NR2C2: variants seen among roughly 807,000 people sequenced by gnomAD.
The protein encoded by NR2C2 is Nuclear hormone receptor TR4.
A neutral mutation model predicts 62.9 loss-of-function variants in NR2C2; 6 were observed. The ratio of observed to expected loss-of-function variants is 0.10; its 90% CI spans 0.05 to 0.19. The LOEUF is 0.19. Among genes scored for constraint, NR2C2 ranks in the 10% least tolerant of loss-of-function variants. NR2C2 has a pLI of 1.00. For missense variants in NR2C2, 479 were observed against 762.7 expected (o/e 0.63, Z 4.38); for synonymous variants, 272 against 273.8 (o/e 0.99, Z 0.07).
chr3:14,961,044 A>G (rs1246329487), intron 1 of NR2C2, among the ~76,000 whole-genome samples: 1 of 152,206 alleles, frequency 6.6e-6, no homozygotes, highest in Non-Finnish European at 1.5e-5. Context: ...ACCTAATCAT[A>G]TTTTGTGAAA....
At chr3:14,991,909 G>C (rs1395754892) in intron 1 of NR2C2, among the ~76,000 whole-genome samples, 1 of 151,580 alleles carries the variant, frequency 6.6e-6, no homozygotes, top group Non-Finnish European at 1.5e-5. Flanking sequence ...AGCTGGGACT[G>C]CAGGCATGCG....
chr3:14,950,469 G>T (rs1234740441), intron 1 of NR2C2, among the ~76,000 whole-genome samples: 3 of 142,710 alleles, frequency 2.1e-5, no homozygotes, highest in African/African-American at 7.9e-5. Context: ...AGCTTCCTGT[G>T]CTCTAGACAC....
At chr3:14,995,165 G>GT (rs1157255142) in intron 1 of NR2C2, among the ~76,000 whole-genome samples, 1 of 150,610 alleles carries the variant, frequency 6.6e-6, no homozygotes, top group Non-Finnish European at 1.5e-5. Context: ...CGCCTGGCTA[G>GT]TTTTTTTAAT....
chr3:14,969,158 A>C (rs953870936), intron 1 of NR2C2, among the ~76,000 whole-genome samples: 1 of 152,122 alleles, frequency 6.6e-6, no homozygotes, highest in Non-Finnish European at 1.5e-5. Flanking sequence ...AAAAAAAGAA[A>C]AAAAAATTTC....
intron 10 of NR2C2, among the ~76,000 whole-genome samples, chr3:15,033,853 A>G (rs612051): frequency 0.91 from 139,069 of 152,108 alleles, 63,803 homozygotes; most frequent in African/African-American, 0.98. Flanking sequence ...TTTCATTTAC[A>G]TTTCATGTAC....
intron 1 of NR2C2, among the ~76,000 whole-genome samples, chr3:14,975,893 A>G (rs1426225127): frequency 6.6e-6 from 1 of 152,068 alleles, no homozygotes; most frequent in African/African-American, 2.4e-5. Context: ...CTTACTGGTT[A>G]TAGGTCTATT....
intron 1 of NR2C2, among the ~76,000 whole-genome samples, chr3:14,976,084 G>A (rs2040195231): frequency 6.6e-6 from 1 of 152,052 alleles, no homozygotes; most frequent in Admixed American, 6.6e-5. Context: ...CAGATTTTCT[G>A]TTCCTTCATG....
chr3:14,996,017 T>C (rs2040823527), intron 1 of NR2C2, among the ~76,000 whole-genome samples: 2 of 152,248 alleles, frequency 1.3e-5, no homozygotes. Flanking sequence ...TGTAATTGGT[T>C]TTTGTCTTCT....
chr3:15,041,089 C>G (rs1039630153), intron 13 of NR2C2, among the ~76,000 whole-genome samples: 8 of 152,110 alleles, frequency 5.3e-5, no homozygotes, highest in Non-Finnish European at 1.2e-4. Flanking sequence ...TACTTGGAGC[C>G]CAAAATGATA....
chr3:14,952,764 C>A (rs1399172819), intron 1 of NR2C2, among the ~76,000 whole-genome samples: 1 of 152,178 alleles, frequency 6.6e-6, no homozygotes, highest in Non-Finnish European at 1.5e-5. Context: ...CTGTCATTCT[C>A]TCCCATCCTG....
rs938747365 is a variant in NR2C2, at chr3:14,971,228, C to T, written c.-40+23322C>T. Among the ~76,000 whole-genome samples, 9 of 151,548 alleles carry T rather than the reference C, an allele frequency of 5.9e-5. 1 individual carries two copies. The highest frequency in any genetic ancestry group is 7.4e-5 in the Non-Finnish European group (5 of 68,024). On this transcript the variant is annotated intron_variant, in intron 1 of 13. Coordinates refer to ENST00000425241, the MANE Select transcript of NR2C2 (RefSeq NM_001291694.2). ...TGCCTCCTGGGTTCAAGCAGTTCTC[C>T]TGCCTCAGCCTCCTGAGTAGGTGGG...
At chr3:14,967,793 T>G (rs142062677) in intron 1 of NR2C2, among the ~76,000 whole-genome samples, 4 of 152,164 alleles carry the variant, frequency 2.6e-5, no homozygotes, top group Non-Finnish European at 5.9e-5. Flanking sequence ...AACAGAGATA[T>G]AGATCAATGC....
At chr3:14,981,043 C>T (rs1224315040) in intron 1 of NR2C2, among the ~76,000 whole-genome samples, 1 of 152,216 alleles carries the variant, frequency 6.6e-6, no homozygotes, top group Non-Finnish European at 1.5e-5. Flanking sequence ...TCTCTATTGA[C>T]AATTTTATAG....
chr3:14,984,542 A>G (rs1574962427), intron 1 of NR2C2, among the ~76,000 whole-genome samples: 1 of 149,336 alleles, frequency 6.7e-6, no homozygotes, highest in African/African-American at 2.4e-5. Flanking sequence ...AGAATTTTCT[A>G]TTAAAGAAAT....
At chr3:14,983,491 A>ACG (rs148001488) in intron 1 of NR2C2, among the ~76,000 whole-genome samples, 6,900 of 151,588 alleles carry the variant, frequency 0.046, 208 homozygotes, top group Middle Eastern at 0.071. Context: ...ACACACACAC[A>ACG]CACATTCTTA....
chr3:14,963,555 G>A (rs1032940676), intron 1 of NR2C2, among the ~76,000 whole-genome samples: 4 of 152,038 alleles, frequency 2.6e-5, no homozygotes, highest in East Asian at 1.9e-4. Flanking sequence ...TGCAAGCTCC[G>A]CTTCCTGGGT....
intron 1 of NR2C2, among the ~76,000 whole-genome samples, chr3:14,971,977 T>C (rs2040054909): frequency 6.6e-6 from 1 of 151,178 alleles, no homozygotes; most frequent in South Asian, 2.1e-4. Flanking sequence ...CCCAGGTGAT[T>C]TTTGTAGTTT....
rs2041927285 is a variant in NR2C2 at position 15,029,842 on chromosome 3, T to TTAAAG, written c.933-433_933-432insTAAAG. Among the ~76,000 whole-genome samples, 7 of 112,560 alleles carry TTAAAG rather than the reference T, an allele frequency of 6.2e-5. 1 individual carries two copies. Among genetic ancestry groups the TTAAAG allele is most frequent in the South Asian group, 5.1e-4 (2 of 3,954 alleles). The allele number at this position is 112,560 out of a possible 152,430, so 73.8% of individuals were successfully genotyped here. A position where few individuals can be genotyped will look rare whatever the true frequency, so the allele number is the denominator to read the frequency against. ...ATAGATAGATAGATAGATAGATAGA[T>TTAAAG]ATAGATAGACCCCATCTCTGAAAGA... On this transcript the variant is annotated intron_variant, in intron 8 of 13. Coordinates refer to ENST00000425241, the MANE Select transcript of NR2C2 (RefSeq NM_001291694.2).
chr3:15,016,623 TAAC>T (rs2041518452), intron 4 of NR2C2, among the ~76,000 whole-genome samples: 1 of 152,200 alleles, frequency 6.6e-6, no homozygotes, highest in African/African-American at 2.4e-5. Flanking sequence ...AACTATCTCT[TAAC>T]ATCCCCTCAC....
Sources: gnomAD v4.1 joint callset for allele counts (sites outside exome capture counted in the v4.1 genomes callset) on GRCh38, gnomAD v4.1.1 for gene constraint, MANE v1.5 for transcripts, NCBI Gene and HGNC (gene_info 2026-07-23, HGNC 2026-07-21) for gene names.